Variants in FAM149A observed in about 807,000 individuals in gnomAD.
FAM149A encodes family with sequence similarity 149 member A, also known as protein FAM149A.
Under a neutral mutation model 78.2 loss-of-function variants are expected in FAM149A, and 71 were observed. That is an observed-to-expected ratio of 0.91 (90% confidence interval 0.75 to 1.11). FAM149A has a LOEUF of 1.11. Among genes scored for constraint, FAM149A ranks in the 50% least tolerant of loss-of-function variants. FAM149A has a pLI of 0.00. For synonymous variants in FAM149A, 446 were observed against 410.5 expected, an observed-to-expected ratio of 1.09 and a Z score of -1.04; for missense variants, 1,036 against 971.0, an observed-to-expected ratio of 1.07 and a Z score of -0.89.
At chr4:186,128,925 CTG>C (rs887682700) in intron 1 of FAM149A, among the ~76,000 whole-genome samples, 2 of 149,898 alleles carry the variant, frequency 1.3e-5, no homozygotes, top group African/African-American at 4.9e-5. Flanking sequence ...TTATGTGTTT[CTG>C]TGTGTGTGCA....
At chr4:186,158,244 G>A (rs915983217) in intron 8 of FAM149A, 40 of 1,253,870 alleles carry the variant, frequency 3.2e-5, no homozygotes, top group Admixed American at 8.2e-5. Flanking sequence ...GCAGCCTTCC[G>A]GGAGCCATGT....
intron 1 of FAM149A, among the ~76,000 whole-genome samples, chr4:186,126,465 A>G (rs1401732454): frequency 6.6e-6 from 1 of 152,216 alleles, no homozygotes; most frequent in Non-Finnish European, 1.5e-5. Flanking sequence ...ACCCTCACCA[A>G]TGAGAGTGGG....
In FAM149A at chr4:186,153,640, C is replaced by T. The variant is rs776133646; in HGVS notation, c.933-5C>T. 4.6e-5 allele frequency: 74 copies of T among 1,610,074 alleles called. No individual in the cohort carries two copies. In the Middle Eastern group the frequency reaches 1.3e-3, roughly 29 times the overall value. On this transcript the variant is annotated splice_region_variant and splice_polypyrimidine_tract_variant and intron_variant, in intron 4 of 13. Coordinates refer to ENST00000389354, the MANE Select transcript of FAM149A (RefSeq NM_001367768.3). ...AATGTCAGTAGCTTCTCTTTGACCT[C>T]GCAGAGTATTAGGAAGACAGCTGAT...
At chr4:186,121,092 A>G (rs1171556184) in intron 1 of FAM149A, among the ~76,000 whole-genome samples, 1 of 151,838 alleles carries the variant, frequency 6.6e-6, no homozygotes, top group African/African-American at 2.4e-5. Flanking sequence ...CATTTTTTCA[A>G]CTCTTTTCCA....
chr4:186,117,807 C>A, intron 1 of FAM149A: 1 of 826,616 alleles, frequency 1.2e-6, no homozygotes, highest in Non-Finnish European at 1.5e-6. Context: ...TAGGAATAAA[C>A]GCCTGAGAGG....
chr4:186,104,774 G>GCGGCGGGCGGCGGGC lies in FAM149A; in HGVS notation c.-303_-302insCGGCGGGCGGCGGGC, dbSNP rs1389440429. 4.1e-5 allele frequency among the ~76,000 whole-genome samples: 6 copies of GCGGCGGGCGGCGGGC among 146,418 alleles called. No homozygotes were observed. Among genetic ancestry groups the GCGGCGGGCGGCGGGC allele is most frequent in the African/African-American group, 8.0e-5 (3 of 37,630 alleles). On this transcript the variant is annotated 5_prime_UTR_variant, in exon 1 of 14. Coordinates refer to ENST00000389354, the MANE Select transcript of FAM149A (RefSeq NM_001367768.3). ...GCGGGCGGCGGGCGGCGGGCGTCTG[G>GCGGCGGGCGGCGGGC]GGCGGGCGGCGGCCGCGCTTCCCGG...
chr4:186,169,679 C>T (rs1409155693), intron 13 of FAM149A: 3 of 985,436 alleles, frequency 3.0e-6, no homozygotes, highest in Non-Finnish European at 2.4e-6. Context: ...ATATCACTCA[C>T]TGCTTTCTGG....
In FAM149A at chr4:186,171,964, A is replaced by C; in HGVS notation, c.2269A>C (p.Arg757=). The change falls in exon 14 of 14, where the codon AGG becomes CGG. Residue 757 remains arginine, a synonymous_variant. Coordinates refer to ENST00000389354, the MANE Select transcript of FAM149A (RefSeq NM_001367768.3). Reference sequence around the variant, plus strand: ...TCAGAGGACAACTTTGACTTTCAAGAGGAGATTCCAAGTGACATCTTGAAA... The same window carrying C: ...TCAGAGGACAACTTTGACTTTCAAGCGGAGATTCCAAGTGACATCTTGAAA... The C allele has an allele frequency of 6.2e-7, 1 of 1,612,900 alleles. No homozygotes were observed. The highest frequency in any genetic ancestry group is 8.5e-7 in the Non-Finnish European group (1 of 1,179,436).
intron 1 of FAM149A, among the ~76,000 whole-genome samples, chr4:186,121,519 T>G (rs1379928789): frequency 1.6e-4 from 25 of 152,216 alleles, no homozygotes; most frequent in Admixed American, 1.6e-3. Context: ...AATTTAAAAC[T>G]TAGTCATTAA....
intron 1 of FAM149A, chr4:186,126,191 C>A: frequency 1.4e-6 from 1 of 694,584 alleles, no homozygotes; most frequent in Non-Finnish European, 1.8e-6. Context: ...GTAAGCCTCG[C>A]GCCTTGTTAC....
intron 8 of FAM149A, among the ~76,000 whole-genome samples, chr4:186,159,815 C>T (rs915973853): frequency 2.6e-5 from 4 of 151,976 alleles, no homozygotes; most frequent in African/African-American, 9.7e-5. Flanking sequence ...CCACTGCCCA[C>T]CTTGTGGGGG....
intron 8 of FAM149A, 185 bp downstream of exon 8, chr4:186,157,904 A>C: frequency 6.5e-7 from 1 of 1,534,486 alleles, no homozygotes; most frequent in South Asian, 1.2e-5. Context: ...CAATGCCTGG[A>C]GACCTGGACG....
chr4:186,169,118 G>A lies in FAM149A; in HGVS notation c.2218+1856G>A, dbSNP rs1421197645. The A allele has an allele frequency of 8.5e-6, 7 of 824,512 alleles. No individual in the cohort carries two copies. The East Asian group carries it at 7.5e-4, about 88-fold the overall frequency. 51.1% of individuals were successfully genotyped at this position (824,512 alleles called of 1,614,324 possible). A position where few individuals can be genotyped will look rare whatever the true frequency, so the allele number is the denominator to read the frequency against. ...GCACACGTAAGTAGAGGTTTGGAGT[G>A]GGAATTGGGTTCTGAATTTGTTCTA... On this transcript the variant is annotated intron_variant, in intron 13 of 13. Transcript: ENST00000389354.
chr4:186,171,680 A>G lies in FAM149A; in HGVS notation c.2219-234A>G, dbSNP rs989198373. Among the ~76,000 whole-genome samples, 3 of 152,334 alleles carry G rather than the reference A, an allele frequency of 2.0e-5. No individual in the cohort carries two copies. The South Asian group carries it at 6.2e-4, about 32-fold the overall frequency. ...CATGGAAGCTTCTCGTGAATCCACC[A>G]GCTCGGGAGGACGCGTGGCCTGCAC... On this transcript the variant is annotated intron_variant, in intron 13 of 13. Transcript: ENST00000389354.
At position 186,153,628 on chromosome 4, in the gene FAM149A, T is replaced by C; in HGVS notation, c.933-17T>C. The stretch of plus-strand genomic sequence containing the variant: ...TGTCTGATCAAAAATGTCAGTAGCT[T>C]CTCTTTGACCTCGCAGAGTATTAGG... On this transcript the variant is annotated splice_polypyrimidine_tract_variant and intron_variant, in intron 4 of 13. Transcript: ENST00000389354. The C allele has an allele frequency of 6.3e-7, 1 of 1,598,732 alleles. No individual in the cohort carries two copies. The highest frequency in any genetic ancestry group is 8.6e-7 in the Non-Finnish European group (1 of 1,168,164).
At chr4:186,154,353 T>TG in intron 5 of FAM149A, 115 bp from the exon 6 acceptor site, 2 of 828,936 alleles carry the variant, frequency 2.4e-6, no homozygotes, top group Non-Finnish European at 3.6e-6. Context: ...TCAACCGTTT[T>TG]GGGAGGGGGG....
intron 13 of FAM149A, among the ~76,000 whole-genome samples, chr4:186,168,510 G>A (rs1384495943): frequency 6.6e-6 from 1 of 152,068 alleles, no homozygotes; most frequent in Non-Finnish European, 1.5e-5. Context: ...CACATGCCAC[G>A]ATGCCTGGCT....
At chr4:186,126,062 C>A in intron 1 of FAM149A, 1 of 985,372 alleles carries the variant, frequency 1.0e-6, no homozygotes, top group Non-Finnish European at 1.2e-6. Flanking sequence ...TTCCCAGACT[C>A]CTGTGGGATC....
chr4:186,135,635 A>G (rs949362336), intron 1 of FAM149A, among the ~76,000 whole-genome samples: 3 of 152,200 alleles, frequency 2.0e-5, no homozygotes, highest in East Asian at 1.9e-4. Context: ...AGCGCTGTCT[A>G]TACCTCGTGC....
Sources: allele counts gnomAD v4.1 joint callset (sites outside exome capture counted in the v4.1 genomes callset), GRCh38; gene constraint gnomAD v4.1.1; transcripts MANE v1.5; gene names NCBI Gene and HGNC (gene_info 2026-07-23, HGNC 2026-07-21).